Variants in GRM1 observed in about 807,000 individuals in gnomAD.
The protein encoded by GRM1 is glutamate metabotropic receptor 1, also known as metabotropic glutamate receptor 1.
GRM1 carries 33 observed loss-of-function variants against 90.9 expected under a neutral mutation model. The ratio of observed to expected loss-of-function variants is 0.36; its 90% confidence interval spans 0.28 to 0.49. The LOEUF (loss-of-function observed/expected upper bound fraction) is 0.49, where lower values mean the gene tolerates loss of function less well. Ranked by LOEUF, GRM1 falls within the 20% of genes least tolerant of loss-of-function variation. The pLI is 0.99. For synonymous variants in GRM1, 700 were observed against 613.2 expected, an observed-to-expected ratio of 1.14 and a Z score of -2.09; for missense variants, 1,190 against 1,534.3, an observed-to-expected ratio of 0.78 and a Z score of 3.75.
chr6:146,128,873 C>T (rs1776290802), intron 1 of GRM1, among the ~76,000 whole-genome samples: 1 of 152,096 alleles, frequency 6.6e-6, no homozygotes, highest in Admixed American at 6.6e-5. Flanking sequence ...TACAGACCAT[C>T]CCTTGCATTT....
intron 1 of GRM1, among the ~76,000 whole-genome samples, chr6:146,126,538 T>A (rs1776205557): frequency 6.6e-6 from 1 of 152,172 alleles, no homozygotes; most frequent in Non-Finnish European, 1.5e-5. Context: ...AAATATTCTT[T>A]GAACTAAACA....
In GRM1 at chr6:146,401,467, T is replaced by C. The variant is rs573913419; in HGVS notation, c.2660+1768T>C. On this transcript the variant is annotated intron_variant, in intron 7 of 7. Coordinates refer to ENST00000282753, the MANE Select transcript of GRM1 (RefSeq NM_001278064.2). ...CAATTAGTCCAGATGTAAAATGGCA[T>C]CACTAACAATTTCCATTAAGAGGGA... Among the ~76,000 whole-genome samples, 4 of 152,272 alleles carry C rather than the reference T, an allele frequency of 2.6e-5. No individual in the cohort carries two copies. The South Asian group carries it at 6.2e-4, about 24-fold the overall frequency.
At chr6:146,338,178 A>G (rs1784843472) in intron 3 of GRM1, among the ~76,000 whole-genome samples, 1 of 152,268 alleles carries the variant, frequency 6.6e-6, no homozygotes, top group African/African-American at 2.4e-5. Context: ...GTCAAATATT[A>G]GATAAATGCT....
intron 3 of GRM1, among the ~76,000 whole-genome samples, chr6:146,349,247 T>TA (rs1179609361): frequency 2.4e-5 from 1 of 41,278 alleles, no homozygotes; most frequent in Non-Finnish European, 5.3e-5. Context: ...TTTTTTTTTA[T>TA]TTTTTTTTTA....
chr6:146,254,672 C>A lies in GRM1; in HGVS notation c.951-49939C>A, dbSNP rs1029088908. 5.3e-5 allele frequency among the ~76,000 whole-genome samples: 8 copies of A among 152,118 alleles called. No homozygotes were observed. The East Asian group carries it at 1.5e-3, about 29-fold the overall frequency. Reference sequence around the variant, plus strand: ...TTTTGTTCTATTTTATTCTATTTCACTTTTTAACAGCCCAGTCATGCCCCA... The same window carrying A: ...TTTTGTTCTATTTTATTCTATTTCAATTTTTAACAGCCCAGTCATGCCCCA... On this transcript the variant is annotated intron_variant, in intron 2 of 7. Transcript: ENST00000282753.
intron 2 of GRM1, among the ~76,000 whole-genome samples, chr6:146,272,398 T>C (rs753729627): frequency 1.3e-5 from 2 of 152,216 alleles, no homozygotes; most frequent in South Asian, 2.1e-4. Flanking sequence ...TGAAACTAAG[T>C]AAACAGTTAT....
chr6:146,432,457 T>C (rs1778449319), intron 7 of GRM1, among the ~76,000 whole-genome samples: 1 of 152,252 alleles, frequency 6.6e-6, no homozygotes, highest in Non-Finnish European at 1.5e-5. Context: ...GTATTCGTTC[T>C]TGTATTCTCA....
intron 1 of GRM1, among the ~76,000 whole-genome samples, chr6:146,140,901 C>T (rs369349382): frequency 3.3e-5 from 5 of 152,052 alleles, no homozygotes; most frequent in East Asian, 1.9e-4. Flanking sequence ...AGATGTGAGT[C>T]GTTTACACAC....
chr6:146,033,599 A>G (rs1790781063), intron 1 of GRM1, among the ~76,000 whole-genome samples: 1 of 152,068 alleles, frequency 6.6e-6, no homozygotes, highest in African/African-American at 2.4e-5. Flanking sequence ...TTAGATAAGT[A>G]TTGATATAAT....
At chr6:146,107,467 C>A (rs1775356007) in intron 1 of GRM1, among the ~76,000 whole-genome samples, 1 of 152,002 alleles carries the variant, frequency 6.6e-6, no homozygotes, top group Admixed American at 6.6e-5. Flanking sequence ...CAGAGGCTTC[C>A]TGCAGGCAAT....
intron 5 of GRM1, chr6:146,365,328 C>T (rs1040252302): frequency 1.3e-5 from 2 of 152,250 alleles, no homozygotes; most frequent in Non-Finnish European, 1.5e-5. Flanking sequence ...ATTAATTTAT[C>T]CACAACCACT....
intron 6 of GRM1, among the ~76,000 whole-genome samples, chr6:146,393,372 T>C (rs1776802840): frequency 6.6e-6 from 1 of 152,210 alleles, no homozygotes; most frequent in Non-Finnish European, 1.5e-5. Flanking sequence ...CAATTTTTGA[T>C]GCAGTTGTTT....
chr6:146,032,676 G>C (rs1790750104), intron 1 of GRM1, among the ~76,000 whole-genome samples: 2 of 152,180 alleles, frequency 1.3e-5, no homozygotes, highest in South Asian at 4.1e-4. Flanking sequence ...AGTTTGTCTG[G>C]ATATTGGCAA....
intron 1 of GRM1, among the ~76,000 whole-genome samples, chr6:146,098,838 A>T (rs1236497036): frequency 6.6e-6 from 1 of 151,982 alleles, no homozygotes; most frequent in Non-Finnish European, 1.5e-5. Flanking sequence ...CATCATGTGA[A>T]GAAGGGATTG....
chr6:146,423,918 A>T (rs1778100455), intron 7 of GRM1, among the ~76,000 whole-genome samples: 1 of 152,110 alleles, frequency 6.6e-6, no homozygotes, highest in Non-Finnish European at 1.5e-5. Context: ...TTGATCTGTC[A>T]TGGTGTTTTG....
chr6:146,167,978 T>C (rs559669269), intron 2 of GRM1, among the ~76,000 whole-genome samples: 1 of 152,184 alleles, frequency 6.6e-6, no homozygotes, highest in South Asian at 2.1e-4. Context: ...ACAAACATTT[T>C]TCTAAAAGTT....
At chr6:146,174,314 G>A (rs1414055619) in intron 2 of GRM1, among the ~76,000 whole-genome samples, 1 of 151,922 alleles carries the variant, frequency 6.6e-6, no homozygotes, top group African/African-American at 2.4e-5. Flanking sequence ...TGACTTTATG[G>A]GCTTCTGGAT....
At chr6:146,427,091 A>G (rs972308833) in intron 7 of GRM1, among the ~76,000 whole-genome samples, 52 of 152,220 alleles carry the variant, frequency 3.4e-4, no homozygotes, top group Middle Eastern at 3.4e-3. Flanking sequence ...GAAGAGTTCT[A>G]TCATGTCAGT....
At chr6:146,074,816 A>G (rs543463312) in intron 1 of GRM1, among the ~76,000 whole-genome samples, 7 of 152,170 alleles carry the variant, frequency 4.6e-5, no homozygotes, top group Non-Finnish European at 4.4e-5. Context: ...TTACTTTCAC[A>G]TAACAGTTTA....
Sources: gnomAD v4.1 joint callset for allele counts (sites outside exome capture counted in the v4.1 genomes callset) on GRCh38, gnomAD v4.1.1 for gene constraint, MANE v1.5 for transcripts, NCBI Gene and HGNC (gene_info 2026-07-23, HGNC 2026-07-21) for gene names.